SLCO1B3: variants seen among roughly 807,000 people sequenced by gnomAD.
SLCO1B3 encodes the protein liver-specific organic anion transporter 2.
Under a neutral mutation model 71.8 loss-of-function variants are expected in SLCO1B3, and 72 were observed. That is an observed-to-expected ratio of 1.00 (90% CI 0.83 to 1.22). The LOEUF (loss-of-function observed/expected upper bound fraction) is 1.22. SLCO1B3 is among the 50% of genes most tolerant of loss of function. The probability of loss-of-function intolerance (pLI) is 0.00; values close to 1 mark genes in which losing one functional copy is unlikely to be tolerated. For missense variants in SLCO1B3, 911 were observed against 819.7 expected (o/e 1.11, Z -1.36); for synonymous variants, 298 against 278.4 (o/e 1.07, Z -0.70).
chr12:20,819,112 G>C (rs1864244517), intron 3 of SLCO1B3, among the ~76,000 whole-genome samples: 1 of 152,174 alleles, frequency 6.6e-6, no homozygotes, highest in Admixed American at 6.5e-5. Flanking sequence ...GCGGACATGA[G>C]GGCTAGGCTA....
chr12:20,887,512 TC>T (rs1865813409), intron 13 of SLCO1B3, among the ~76,000 whole-genome samples: 1 of 151,982 alleles, frequency 6.6e-6, no homozygotes, highest in South Asian at 2.1e-4. Flanking sequence ...CATTTGTATG[TC>T]TTCTTTTGAA....
chr12:20,827,531 A>G (rs1473013266), intron 3 of SLCO1B3, among the ~76,000 whole-genome samples: 1 of 151,884 alleles, frequency 6.6e-6, no homozygotes, highest in African/African-American at 2.4e-5. Context: ...CATATTTTAG[A>G]TATTTTAGAC....
intron 3 of SLCO1B3, among the ~76,000 whole-genome samples, chr12:20,834,705 T>C (rs1864636829): frequency 6.6e-6 from 1 of 151,994 alleles, no homozygotes. Context: ...TCCACTCCTG[T>C]GGCTTTGCAG....
intron 3 of SLCO1B3, among the ~76,000 whole-genome samples, chr12:20,854,798 A>G (rs539341926): frequency 6.6e-6 from 1 of 152,202 alleles, no homozygotes; most frequent in East Asian, 1.9e-4. Context: ...CCTTAACTAT[A>G]CTCCTCTAGC....
intron 3 of SLCO1B3, among the ~76,000 whole-genome samples, chr12:20,841,955 G>T (rs976999349): frequency 3.3e-5 from 5 of 151,138 alleles, no homozygotes; most frequent in Admixed American, 6.6e-5. Flanking sequence ...AGCAATCTCG[G>T]CTCACTGCAG....
At chr12:20,869,364 A>G (rs1016470470) in intron 8 of SLCO1B3, among the ~76,000 whole-genome samples, 1 of 151,994 alleles carries the variant, frequency 6.6e-6, no homozygotes, top group African/African-American at 2.4e-5. Context: ...CTGTCTCTGT[A>G]TGGCCTGGCT....
At chr12:20,911,027 A>G (rs1464776978) in intron 15 of SLCO1B3, among the ~76,000 whole-genome samples, 1 of 151,906 alleles carries the variant, frequency 6.6e-6, no homozygotes, top group Non-Finnish European at 1.5e-5. Context: ...GCTTGTTCCA[A>G]CCTTATAAGG....
chr12:20,883,691 T>C, intron 13 of SLCO1B3, 89 bp downstream of exon 13: 1 of 855,776 alleles, frequency 1.2e-6, no homozygotes, highest in Non-Finnish European at 1.8e-6. Context: ...TGAGCTCAAA[T>C]TCATATTTTG....
chr12:20,827,233 C>G (rs887901579), intron 3 of SLCO1B3, among the ~76,000 whole-genome samples: 12 of 152,098 alleles, frequency 7.9e-5, no homozygotes, highest in Non-Finnish European at 1.5e-4. Flanking sequence ...ACTGCTTGAT[C>G]AAGAAATCTA....
chr12:20,894,116 A>G (rs1050514363), intron 13 of SLCO1B3, among the ~76,000 whole-genome samples: 1 of 152,204 alleles, frequency 6.6e-6, no homozygotes, highest in African/African-American at 2.4e-5. Flanking sequence ...GTCATTAGAA[A>G]GAACAACAGA....
At position 20,849,407 on chromosome 12, in the gene SLCO1B3, A is replaced by T. The variant is rs577672790; in HGVS notation, c.85-5621A>T. On this transcript the variant is annotated intron_variant, in intron 3 of 15. Coordinates refer to ENST00000381545, the MANE Select transcript of SLCO1B3 (RefSeq NM_019844.4). Reference sequence around the variant, plus strand: ...AGTAATATAAGGGACCTCTCTCAACATGATAAGGGCATTTATGAAAAATCT... The same window carrying T: ...AGTAATATAAGGGACCTCTCTCAACTTGATAAGGGCATTTATGAAAAATCT... 2.0e-5 allele frequency among the ~76,000 whole-genome samples: 3 copies of T among 152,142 alleles called. No individual in the cohort carries two copies. The South Asian group carries it at 6.2e-4, about 32-fold the overall frequency.
chr12:20,906,235 AG>A (rs1866243067), intron 15 of SLCO1B3, among the ~76,000 whole-genome samples: 1 of 152,196 alleles, frequency 6.6e-6, no homozygotes, highest in African/African-American at 2.4e-5. Flanking sequence ...GCTAAATAAA[AG>A]AAGGCAGTCC....
At chr12:20,820,186 C>T (rs1214100553) in intron 3 of SLCO1B3, among the ~76,000 whole-genome samples, 1 of 151,850 alleles carries the variant, frequency 6.6e-6, no homozygotes, top group Non-Finnish European at 1.5e-5. Context: ...AAGAAGGGGA[C>T]GGACTTACCC....
At chr12:20,822,913 T>TA (rs1277454785) in intron 3 of SLCO1B3, among the ~76,000 whole-genome samples, 2 of 152,230 alleles carry the variant, frequency 1.3e-5, no homozygotes, top group Non-Finnish European at 2.9e-5. Flanking sequence ...TTTTTCCTTT[T>TA]AAAATCTTTT....
At chr12:20,874,162 G>T (rs781335371) in intron 8 of SLCO1B3, among the ~76,000 whole-genome samples, 1 of 152,156 alleles carries the variant, frequency 6.6e-6, no homozygotes, top group African/African-American at 2.4e-5. Context: ...TCTGGTTCTA[G>T]ATCCTTGAGG....
chr12:20,833,910 T>G (rs987175814), intron 3 of SLCO1B3, among the ~76,000 whole-genome samples: 1 of 147,420 alleles, frequency 6.8e-6, no homozygotes, highest in African/African-American at 2.5e-5. Flanking sequence ...CATGTATATA[T>G]AGTAAACATG....
chr12:20,875,114 A>G, intron 8 of SLCO1B3, 121 bp from the exon 9 acceptor site: 1 of 1,225,892 alleles, frequency 8.2e-7, no homozygotes, highest in Non-Finnish European at 1.2e-6. Context: ...TTTAGAATTG[A>G]AAGTAAACAT....
At chr12:20,820,348 C>T (rs539715454) in intron 3 of SLCO1B3, among the ~76,000 whole-genome samples, 3 of 152,118 alleles carry the variant, frequency 2.0e-5, no homozygotes, top group African/African-American at 7.2e-5. Flanking sequence ...GAGTGGCTGC[C>T]AGGTGAGTTG....
intron 15 of SLCO1B3, among the ~76,000 whole-genome samples, chr12:20,907,931 A>G (rs1361535218): frequency 1.3e-5 from 2 of 152,176 alleles, no homozygotes; most frequent in Non-Finnish European, 2.9e-5. Context: ...ACAACTGGCA[A>G]GATGCTCCCC....
Sources: gnomAD v4.1 joint callset for allele counts (sites outside exome capture counted in the v4.1 genomes callset) on GRCh38, gnomAD v4.1.1 for gene constraint, MANE v1.5 for transcripts, NCBI Gene and HGNC (gene_info 2026-07-23, HGNC 2026-07-21) for gene names.